The following GALNS variants were observed in gnomAD, a reference collection of about 807,000 sequenced individuals.
GALNS encodes galactosamine (N-acetyl)-6-sulfatase.
A neutral mutation model predicts 65.9 loss-of-function variants in GALNS; 65 were observed. The ratio of observed to expected loss-of-function variants is 0.99; its 90% CI spans 0.81 to 1.21. The LOEUF (loss-of-function observed/expected upper bound fraction) is 1.21, where lower values mean the gene tolerates loss of function less well. Among genes scored for constraint, GALNS ranks in the 50% most tolerant of loss-of-function variants. The probability of loss-of-function intolerance (pLI) is 0.00; values close to 1 mark genes in which losing one functional copy is unlikely to be tolerated. For synonymous variants in GALNS, 346 were observed against 288.9 expected (o/e 1.20, Z -2.00); for missense variants, 776 against 700.7 (o/e 1.11, Z -1.21).
In GALNS at chr16:88,855,185, G is replaced by C. The variant is rs747996962; in HGVS notation, c.120+1573C>G. On this transcript the variant is annotated intron_variant, in intron 1 of 13. Transcript: ENST00000268695. ...CATAACCAAAATATTATTTCGACAA[G>C]TCTTCAACATAAAAAATTATTCATG... is the stretch of plus-strand genomic sequence containing the variant. 2.2e-5 allele frequency: 15 copies of C among 677,518 alleles called. No individual in the cohort carries two copies. In the East Asian group the frequency reaches 2.8e-4, roughly 13 times the overall value. The allele number at this position is 677,518 out of a possible 1,614,324, so 42.0% of individuals were successfully genotyped here. A position where few individuals can be genotyped will look rare whatever the true frequency, so the allele number is the denominator to read the frequency against.
intron 9 of GALNS, among the ~76,000 whole-genome samples, chr16:88,830,805 C>T (rs1911421926): frequency 2.0e-5 from 3 of 152,188 alleles, no homozygotes; most frequent in Admixed American, 6.5e-5. Flanking sequence ...GGCAGACAGA[C>T]ACCAACGGTC....
At chr16:88,841,328 G>A (rs556644367) in intron 3 of GALNS, among the ~76,000 whole-genome samples, 14 of 152,122 alleles carry the variant, frequency 9.2e-5, no homozygotes, top group Non-Finnish European at 1.3e-4. Context: ...GGCAGACTCC[G>A]TGCCCCCCAG....
Position 88,818,007 on chromosome 16 carries a change from C to T in GALNS, c.1482G>A (p.Met494Ile). The change falls in exon 13 of 14, where the codon ATG becomes ATA. Residue 494 changes from methionine (M) to isoleucine (I), a missense_variant and splice_region_variant. Physicochemically the swap from Met to Ile is conservative, Grantham distance 10. Transcript: ENST00000268695. ...PQLNVCNWAV[M>I]NWAPPGCEKL... The stretch of plus-strand genomic sequence containing the variant: ...GGCCGCCCACACACCAGCCACTTAC[C>T]ATGACCGCCCAGTTGCACACGTTGA... 6.3e-7 allele frequency: 1 copy of T among 1,580,218 alleles called. No homozygotes were observed. Among genetic ancestry groups the T allele is most frequent in the Non-Finnish European group, 8.6e-7 (1 of 1,168,844 alleles).
chr16:88,843,049 G>C lies in GALNS; in HGVS notation c.121-220C>G, dbSNP rs565691029. On this transcript the variant is annotated intron_variant, in intron 1 of 13. Transcript: ENST00000268695. Reference sequence around the variant, plus strand: ...CCAAACCTCAGCATCGCCTGCGTGCGTGCACGATGGGGCCGCTCCACGGTC... The same window carrying C: ...CCAAACCTCAGCATCGCCTGCGTGCCTGCACGATGGGGCCGCTCCACGGTC... 1.6e-5 allele frequency: 25 copies of C among 1,520,452 alleles called. No individual in the cohort carries two copies. In the African/African-American group the frequency reaches 3.2e-4, roughly 20 times the overall value. 94.2% of individuals were successfully genotyped at this position (1,520,452 alleles called of 1,614,324 possible).
At position 88,856,869 on chromosome 16, in the gene GALNS, C is replaced by A. The variant is rs1055971461; in HGVS notation, c.9G>T (p.Ala3=). 6.6e-7 allele frequency: 1 copy of A among 1,509,340 alleles called. No homozygotes were observed. 93.5% of individuals were successfully genotyped at this position (1,509,340 alleles called of 1,614,324 possible). Residue 3 remains alanine (A), a synonymous_variant, in exon 1 of 14, where the codon GCG becomes GCT. Coordinates refer to ENST00000268695, the MANE Select transcript of GALNS (RefSeq NM_000512.5). ...GCCACCACCTCGTCGCCGCGACAAC[C>A]GCCGCCATGGCAACCACGGGAGCCG... MA[A]VVAATRWWQL...
At chr16:88,855,626 G>T in intron 1 of GALNS, 1 of 620,572 alleles carries the variant, frequency 1.6e-6, no homozygotes, top group South Asian at 1.8e-5. Flanking sequence ...ATCTTTTCAA[G>T]TATATCTTTA....
chr16:88,842,355 C>CT (rs932625536), intron 2 of GALNS: 1 of 511,282 alleles, frequency 2.0e-6, no homozygotes, highest in African/African-American at 1.9e-5. Context: ...AGGAGAGACT[C>CT]TCCCCAGGGA....
At chr16:88,845,839 A>AG (rs1967219792) in intron 1 of GALNS, among the ~76,000 whole-genome samples, 1 of 151,902 alleles carries the variant, frequency 6.6e-6, no homozygotes, top group Non-Finnish European at 1.5e-5. Context: ...AAAAAAAAAA[A>AG]AAGCCAAGTG....
chr16:88,845,801 G>A (rs1967216269), intron 1 of GALNS, among the ~76,000 whole-genome samples: 1 of 151,370 alleles, frequency 6.6e-6, no homozygotes, highest in African/African-American at 2.4e-5. Flanking sequence ...AGACCAGCCT[G>A]GACAACACAG....
At chr16:88,821,811 C>T (rs1278101958) in intron 12 of GALNS, among the ~76,000 whole-genome samples, 1 of 152,186 alleles carries the variant, frequency 6.6e-6, no homozygotes, top group East Asian at 1.9e-4. Flanking sequence ...CTGCACGCCA[C>T]TCCCCTGATG....
intron 4 of GALNS, 189 bp downstream of exon 4, chr16:88,840,803 A>AGATCCT: frequency 1.6e-6 from 1 of 637,284 alleles, no homozygotes; most frequent in South Asian, 1.7e-5. Flanking sequence ...TGGTGACCTG[A>AGATCCT]GATCCTGCTG....
Position 88,841,981 on chromosome 16 carries a change from G to A in GALNS, c.245-10C>T. The A allele has an allele frequency of 2.5e-6, 4 of 1,609,284 alleles. No homozygotes were observed. Among genetic ancestry groups the A allele is most frequent in the Non-Finnish European group, 3.4e-6 (4 of 1,177,716 alleles). ...AGCAGTGCCGCCCTCGCTATGTGGA[G>A]GTGACAGAAACAGAAACTGGATAAG... On this transcript the variant is annotated splice_polypyrimidine_tract_variant and intron_variant, in intron 2 of 13. Coordinates refer to ENST00000268695, the MANE Select transcript of GALNS (RefSeq NM_000512.5).
chr16:88,839,811 C>A (rs926182908), intron 4 of GALNS, among the ~76,000 whole-genome samples: 47 of 152,344 alleles, frequency 3.1e-4, no homozygotes, highest in African/African-American at 1.0e-3. Context: ...TCTATGGAGA[C>A]CCACTCCCTG....
intron 11 of GALNS, 65 bp downstream of exon 11, chr16:88,824,702 T>A: frequency 7.2e-7 from 1 of 1,384,816 alleles, no homozygotes; most frequent in Non-Finnish European, 1.0e-6. Flanking sequence ...AGGACGGTGC[T>A]CAGGGGCCAC....
At chr16:88,822,386 G>A (rs929917092) in intron 12 of GALNS, among the ~76,000 whole-genome samples, 1 of 152,168 alleles carries the variant, frequency 6.6e-6, no homozygotes, top group Non-Finnish European at 1.5e-5. Flanking sequence ...GGGCAGAAGT[G>A]GGGAGACCAC....
chr16:88,817,896 G>T, intron 13 of GALNS, 111 bp downstream of exon 13: 1 of 934,546 alleles, frequency 1.1e-6, no homozygotes, highest in Non-Finnish European at 1.7e-6. Context: ...ACTGACGGAG[G>T]CGGGGAAGCA....
chr16:88,821,213 C>T (rs1294292101), intron 12 of GALNS, among the ~76,000 whole-genome samples: 1 of 152,176 alleles, frequency 6.6e-6, no homozygotes, highest in Non-Finnish European at 1.5e-5. Context: ...CAGGGCTGTG[C>T]ACCCCTGGAG....
chr16:88,828,424 C>T (rs991589179), intron 9 of GALNS, among the ~76,000 whole-genome samples: 1 of 152,188 alleles, frequency 6.6e-6, no homozygotes, highest in Non-Finnish European at 1.5e-5. Context: ...CCGTTATCAG[C>T]GCTTTCGAGA....
At chr16:88,833,384 G>T (rs534404808) in intron 8 of GALNS, among the ~76,000 whole-genome samples, 3 of 151,958 alleles carry the variant, frequency 2.0e-5, no homozygotes, top group African/African-American at 7.2e-5. Context: ...GGACACTCAG[G>T]CTCACAGGAG....
Sources: allele counts gnomAD v4.1 joint callset (sites outside exome capture counted in the v4.1 genomes callset), GRCh38; gene constraint gnomAD v4.1.1; transcripts MANE v1.5; gene names NCBI Gene and HGNC (gene_info 2026-07-23, HGNC 2026-07-21).